KIF22: variants seen among roughly 807,000 people sequenced by gnomAD.
KIF22 encodes the protein kinesin-like protein KIF22.
Under a neutral mutation model 73.0 loss-of-function variants are expected in KIF22, and 62 were observed. The ratio of observed to expected loss-of-function variants is 0.85; its 90% confidence interval spans 0.69 to 1.05. The LOEUF is 1.05. Among genes scored for constraint, KIF22 ranks in the 50% least tolerant of loss-of-function variants. The pLI is 0.00. For missense variants in KIF22, 854 were observed against 870.1 expected, an observed-to-expected ratio of 0.98 and a Z score of 0.23; for synonymous variants, 411 against 340.1, an observed-to-expected ratio of 1.21 and a Z score of -2.29.
intron 10 of KIF22, 147 bp from the exon 11 acceptor site, chr16:29,803,851 G>C: frequency 1.4e-6 from 1 of 697,716 alleles, no homozygotes; most frequent in Non-Finnish European, 2.5e-6. Flanking sequence ...CTTTAAATGC[G>C]GGTATAAAAA....
In KIF22 at chr16:29,798,919, C is replaced by G; in HGVS notation, c.550-56C>G. On this transcript the variant is annotated intron_variant, in intron 4 of 13. Coordinates refer to ENST00000160827, the MANE Select transcript of KIF22 (RefSeq NM_007317.3). This position sits in a 1 kb window ranked among gnomAD's most constrained non-coding sequence, Gnocchi z 4.1. The stretch of plus-strand genomic sequence containing the variant: ...AGAACAGAGAAAGGAAACTGATCCC[C>G]AGGAAGAAACAGCCTCTCTATGGAG... 1 of 1,574,904 alleles carries G rather than the reference C, an allele frequency of 6.3e-7. No homozygotes were observed. The highest frequency in any genetic ancestry group is 2.2e-5 in the East Asian group (1 of 44,676).
At position 29,798,852 on chromosome 16, in the gene KIF22, A is replaced by G; in HGVS notation, c.549+105A>G. 2 of 1,541,102 alleles carry G rather than the reference A, an allele frequency of 1.3e-6. No homozygotes were observed. Among genetic ancestry groups the G allele is most frequent in the Non-Finnish European group, 1.8e-6 (2 of 1,126,112 alleles). ...AGCAGGGAGGTAAGGTGAGACCTAG[A>G]AAGACAGAGACTGGGGTAGCAGATG... is the stretch of plus-strand genomic sequence containing the variant. On this transcript the variant is annotated intron_variant, in intron 4 of 13. Transcript: ENST00000160827. This position sits in a 1 kb window ranked among gnomAD's most constrained non-coding sequence, Gnocchi z 4.1.
At chr16:29,792,321 A>G in intron 1 of KIF22, 1 of 529,710 alleles carries the variant, frequency 1.9e-6, no homozygotes, top group South Asian at 8.2e-5. Context: ...TGTGCAGTAA[A>G]TAATTGTTTA....
chr16:29,805,354 C>T lies in KIF22; in HGVS notation c.*44C>T, dbSNP rs1396438524. 1 of 1,591,494 alleles carries T rather than the reference C, an allele frequency of 6.3e-7. No individual in the cohort carries two copies. The highest frequency in any genetic ancestry group is 8.6e-7 in the Non-Finnish European group (1 of 1,166,302). On this transcript the variant is annotated 3_prime_UTR_variant, in exon 14 of 14. Coordinates refer to ENST00000160827, the MANE Select transcript of KIF22 (RefSeq NM_007317.3). ...GCCTTTTCAAATTTTTGTATAACCC[C>T]GTGTTGTGTAAATACAGTTTTTGCT...
In KIF22 at chr16:29,798,735, C is replaced by G; in HGVS notation, c.537C>G (p.Ile179Met). Residue 179 changes from isoleucine (I) to methionine (M), a missense_variant, in exon 4 of 14, where the codon ATC (isoleucine) becomes ATG (methionine). Physicochemically the swap from Ile to Met is conservative, Grantham distance 10. Transcript: ENST00000160827. This position sits in a 1 kb window ranked among gnomAD's most constrained non-coding sequence, Gnocchi z 4.1. ...CTGTCACCATGTCTTACCTAGAGAT[C>G]TACCAGGAGAAGGTGAGGCCCCGTG... ...ALSVTMSYLE[I>M]YQEKVLDLLD... 6.2e-7 allele frequency: 1 copy of G among 1,613,938 alleles called. No homozygotes were observed. Among genetic ancestry groups the G allele is most frequent in the Non-Finnish European group, 8.5e-7 (1 of 1,179,906 alleles).
intron 1 of KIF22, among the ~76,000 whole-genome samples, chr16:29,791,957 T>C (rs1898830169): frequency 6.6e-6 from 1 of 152,180 alleles, no homozygotes; most frequent in Admixed American, 6.5e-5. Flanking sequence ...TCTGTTTCAA[T>C]AGAGTGTCAC....
Position 29,800,013 on chromosome 16 carries a change from C to T in KIF22, c.1245C>T (p.Pro415=), listed in dbSNP as rs1164841126. 1.2e-6 allele frequency: 2 copies of T among 1,613,602 alleles called. No homozygotes were observed. The highest frequency in any genetic ancestry group is 2.2e-5 in the South Asian group (2 of 91,086). The change falls in exon 8 of 14, where the codon CCC becomes CCT. Residue 415 remains proline (P), a synonymous_variant. Transcript: ENST00000160827. ...AAGAGGAGATCGGGAGCCCTGAGCC[C>T]ATGGCAGCTCCAGCCTCTGCCTCCC... ...PEEEEIGSPE[P]MAAPASASQK... is the part of the protein sequence containing the mutation.
intron 1 of KIF22, among the ~76,000 whole-genome samples, chr16:29,792,881 G>A (rs373293111): frequency 2.0e-5 from 3 of 152,274 alleles, no homozygotes; most frequent in African/African-American, 4.8e-5. Context: ...TAGAGGGCAG[G>A]GAGACACCTT....
chr16:29,790,940 G>A (rs1360829843), intron 1 of KIF22, 111 bp downstream of exon 1: 2 of 1,519,196 alleles, frequency 1.3e-6, no homozygotes, highest in South Asian at 1.2e-5. Context: ...GGCGGCCATG[G>A]CGCAGGGGCG....
rs377204303 is a variant in KIF22 at position 29,799,000 on chromosome 16, C to T, written c.575C>T (p.Ser192Leu). ...GTATTAGACCTCCTGGACCCTGCTTCGGGAGACCTGGTAATCCGAGAAGAC... is the reference window on the plus strand; with the variant it reads ...GTATTAGACCTCCTGGACCCTGCTTTGGGAGACCTGGTAATCCGAGAAGAC... The part of the protein sequence containing the change: ...EKVLDLLDPA[S>L]GDLVIREDCR... The change falls in exon 5 of 14, where the codon TCG (serine) becomes TTG (leucine). Residue 192 changes from serine to leucine, a missense_variant. Physicochemically the swap from Ser to Leu is moderately radical, Grantham distance 145. This residue lies in a region of KIF22 where 245 missense variants were observed against 351.8 expected (regional missense o/e 0.70). Transcript: ENST00000160827. The surrounding 1 kb of genome is among the most constrained non-coding windows in gnomAD (Gnocchi z 4.1). 15 of 1,614,104 alleles carry T rather than the reference C, an allele frequency of 9.3e-6. No homozygotes were observed. Among genetic ancestry groups the T allele is most frequent in the Non-Finnish European group, 1.2e-5 (14 of 1,180,050 alleles).
rs368889638 is a variant in KIF22, at chr16:29,802,970, C to T, written c.1449+33C>T. The T allele has an allele frequency of 6.2e-6, 10 of 1,602,354 alleles. No individual in the cohort carries two copies. The African/African-American group carries it at 1.3e-4, about 21-fold the overall frequency. On this transcript the variant is annotated intron_variant, in intron 9 of 13. Coordinates refer to ENST00000160827, the MANE Select transcript of KIF22 (RefSeq NM_007317.3). ...TTTTAGGGATGTGGGAGCTGGATTC[C>T]TATTGGCCTTGAGAAGCAATCCTTG...
intron 9 of KIF22, 105 bp from the exon 10 acceptor site, chr16:29,803,344 G>A: frequency 7.2e-7 from 1 of 1,386,872 alleles, no homozygotes; most frequent in Non-Finnish European, 9.9e-7. Flanking sequence ...TCCTAGCCCT[G>A]CCCTCTGGGG....
chr16:29,790,858 G>C, intron 1 of KIF22, 29 bp downstream of exon 1: 1 of 1,583,768 alleles, frequency 6.3e-7, no homozygotes, highest in Non-Finnish European at 8.6e-7. Context: ...GGCAAGGCGG[G>C]TACCGACGTC....
chr16:29,795,493 A>C (rs1416451537), intron 1 of KIF22, among the ~76,000 whole-genome samples: 1 of 152,166 alleles, frequency 6.6e-6, no homozygotes, highest in Non-Finnish European at 1.5e-5. Context: ...AGCTGCTACC[A>C]CCAGCAAGGA....
In KIF22 at chr16:29,803,089, C is replaced by A. The variant is rs1899198016; in HGVS notation, c.1449+152C>A. ...CCAGCTTCTGCTTGAATGTCCTTAACATGGCTGAACTTTGACAGACAATTG... is the reference window on the plus strand; with the variant it reads ...CCAGCTTCTGCTTGAATGTCCTTAAAATGGCTGAACTTTGACAGACAATTG... On this transcript the variant is annotated intron_variant, in intron 9 of 13. Transcript: ENST00000160827. 7.6e-6 allele frequency: 6 copies of A among 789,022 alleles called. No homozygotes were observed. In the South Asian group the frequency reaches 8.3e-5, roughly 11 times the overall value. The allele number at this position is 789,022 out of a possible 1,614,324, so 48.9% of individuals were successfully genotyped here.
Position 29,799,731 on chromosome 16 carries a change from C to T in KIF22, c.1094C>T (p.Ser365Phe), listed in dbSNP as rs778170366. ...TVSALNFAAR[S>F]KEVINRPFTN... is the part of the protein sequence containing the mutation. Reference sequence around the variant, plus strand: ...TCCGCACTCAACTTTGCTGCCAGGTCCAAGGAGGTGATCAATCGGCCTTTT... The same window carrying T: ...TCCGCACTCAACTTTGCTGCCAGGTTCAAGGAGGTGATCAATCGGCCTTTT... Residue 365 changes from serine (S) to phenylalanine (F), a missense_variant, in exon 7 of 14, where the codon TCC becomes TTC. By Grantham distance (155) the Ser-to-Phe change is radical. Transcript: ENST00000160827. The T allele has an allele frequency of 1.2e-6, 2 of 1,613,298 alleles. No individual in the cohort carries two copies.
chr16:29,792,734 A>G (rs1239784455), intron 1 of KIF22, among the ~76,000 whole-genome samples: 1 of 152,154 alleles, frequency 6.6e-6, no homozygotes, highest in Non-Finnish European at 1.5e-5. Context: ...GTGGGGAGCA[A>G]TGCAGATATT....
At chr16:29,792,691 A>G (rs903004598) in intron 1 of KIF22, among the ~76,000 whole-genome samples, 1 of 152,214 alleles carries the variant, frequency 6.6e-6, no homozygotes, top group African/African-American at 2.4e-5. Flanking sequence ...AAGAGGAGTT[A>G]AAATGTGTTT....
rs1164442540 is a variant in KIF22, at chr16:29,802,973, T to C, written c.1449+36T>C. ...TAGGGATGTGGGAGCTGGATTCCTATTGGCCTTGAGAAGCAATCCTTGGAT... is the reference window on the plus strand; with the variant it reads ...TAGGGATGTGGGAGCTGGATTCCTACTGGCCTTGAGAAGCAATCCTTGGAT... On this transcript the variant is annotated intron_variant, in intron 9 of 13. Coordinates refer to ENST00000160827, the MANE Select transcript of KIF22 (RefSeq NM_007317.3). The C allele has an allele frequency of 6.3e-6, 10 of 1,599,760 alleles. No homozygotes were observed. The South Asian group carries it at 1.0e-4, about 16-fold the overall frequency.
Sources: gnomAD v4.1 joint callset for allele counts (sites outside exome capture counted in the v4.1 genomes callset) on GRCh38, gnomAD v4.1.1 for gene constraint, gnomAD v4.1.1 regional missense constraint, Gnocchi (gnomAD v3.1) non-coding constraint, MANE v1.5 for transcripts, NCBI Gene and HGNC (gene_info 2026-07-23, HGNC 2026-07-21) for gene names.